Variants in ARHGAP12 observed in about 807,000 individuals in gnomAD.
The protein encoded by ARHGAP12 is rho GTPase-activating protein 12.
In ARHGAP12, 64 loss-of-function variants were observed where a neutral mutation model predicts 108.6. That is an observed-to-expected ratio of 0.59 (90% CI 0.48 to 0.73). The LOEUF is 0.73. Among genes scored for constraint, ARHGAP12 ranks in the 30% least tolerant of loss-of-function variants. The pLI is 0.00. For missense variants in ARHGAP12, 940 were observed against 1,005.9 expected (o/e 0.93, Z 0.89); for synonymous variants, 312 against 337.2 (o/e 0.93, Z 0.82).
At chr10:31,858,553 T>C (rs534460111) in intron 4 of ARHGAP12, among the ~76,000 whole-genome samples, 69 of 152,250 alleles carry the variant, frequency 4.5e-4, no homozygotes, top group African/African-American at 1.7e-3. Flanking sequence ...AACAAGATCC[T>C]GTCTCGGCGG....
chr10:31,831,657 T>C, intron 10 of ARHGAP12, 82 bp downstream of exon 10: 1 of 912,464 alleles, frequency 1.1e-6, no homozygotes, highest in South Asian at 2.0e-5. Context: ...GCACCTATTG[T>C]TTATACTAAA....
rs1285636668 is a variant in ARHGAP12 at position 31,891,472 on chromosome 10, C to T, written c.684+16700G>A. 5.3e-5 allele frequency among the ~76,000 whole-genome samples: 8 copies of T among 152,300 alleles called. No individual in the cohort carries two copies. The East Asian group carries it at 1.2e-3, about 22-fold the overall frequency. ...TCCACTGTTAGTCTGATGGGCTTCC[C>T]TTTGTGGGTAACCCGACCTTTCTCT... On this transcript the variant is annotated intron_variant, in intron 3 of 19. Transcript: ENST00000344936.
chr10:31,919,521 G>C (rs766158495), intron 1 of ARHGAP12, among the ~76,000 whole-genome samples: 5 of 152,126 alleles, frequency 3.3e-5, no homozygotes, highest in Non-Finnish European at 5.9e-5. Flanking sequence ...GGCCAGGCGC[G>C]GTGGCTCACG....
rs1386183853 is a variant in ARHGAP12 at position 31,806,469 on chromosome 10, C to A, written c.*1189G>T. The A allele has an allele frequency of 6.6e-6, 1 of 152,600 alleles. No individual in the cohort carries two copies. The allele number at this position is 152,600 out of a possible 1,614,324, so 9.5% of individuals were successfully genotyped here. ...CTACATTAGTAGGTAAAAAGAAATT[C>A]TCAAATTTAGCAATGTCATTTTCCA... On this transcript the variant is annotated 3_prime_UTR_variant, in exon 20 of 20. Transcript: ENST00000344936.
chr10:31,897,810 C>T (rs1838761924), intron 3 of ARHGAP12, among the ~76,000 whole-genome samples: 1 of 152,122 alleles, frequency 6.6e-6, no homozygotes, highest in Admixed American at 6.5e-5. Context: ...ACAGATGGAA[C>T]TATTAGACGG....
Position 31,861,459 on chromosome 10 carries a change from G to T in ARHGAP12, c.884C>A (p.Pro295His), listed in dbSNP as rs1280602941. The change falls in exon 4 of 20, where the codon CCT (proline) becomes CAT (histidine). Residue 295 changes from proline (P) to histidine (H), a missense_variant. By Grantham distance (77) the Pro-to-His change is moderately conservative. Coordinates refer to ENST00000344936, the MANE Select transcript of ARHGAP12 (RefSeq NM_018287.7). ...NRGTQERTWK[P>H]PRWTRDASIS... The stretch of plus-strand genomic sequence containing the variant: ...GCTTGCATCCCGAGTCCAACGAGGA[G>T]GTTTCCAAGTTCTTTCCTGTGTCCC... The T allele has an allele frequency of 6.2e-7, 1 of 1,614,046 alleles. No homozygotes were observed.
intron 9 of ARHGAP12, among the ~76,000 whole-genome samples, chr10:31,836,701 A>G (rs1836030803): frequency 6.6e-6 from 1 of 152,176 alleles, no homozygotes; most frequent in Admixed American, 6.5e-5. Context: ...AGAGGGAAAT[A>G]TCTCCCTGTA....
chr10:31,884,507 C>G (rs1035687704), intron 3 of ARHGAP12, among the ~76,000 whole-genome samples: 1 of 152,132 alleles, frequency 6.6e-6, no homozygotes, highest in African/African-American at 2.4e-5. Context: ...TGTGAACATT[C>G]TTCTCAGACA....
At chr10:31,900,937 C>T (rs1838889493) in intron 3 of ARHGAP12, among the ~76,000 whole-genome samples, 1 of 152,050 alleles carries the variant, frequency 6.6e-6, no homozygotes, top group East Asian at 1.9e-4. Context: ...GAAACTGGGC[C>T]GGTCTCAGCA....
rs1415462173 is a variant in ARHGAP12 at position 31,817,868 on chromosome 10, T to C, written c.1651A>G (p.Thr551Ala). The part of the protein sequence containing the change: ...NVFELKTRQG[T>A]ELLIQSDNDT... ...TTGTCAGACTGAATTAGCAGTTCTGTTCCTTGACGAGTTTTCAGCTTTAGA... is the reference window on the plus strand; with the variant it reads ...TTGTCAGACTGAATTAGCAGTTCTGCTCCTTGACGAGTTTTCAGCTTTAGA... Residue 551 changes from threonine (T) to alanine (A), a missense_variant, in exon 13 of 20, where the codon ACA becomes GCA. Transcript: ENST00000344936. 6 of 1,612,186 alleles carry C rather than the reference T, an allele frequency of 3.7e-6. No homozygotes were observed. The highest frequency in any genetic ancestry group is 5.1e-6 in the Non-Finnish European group (6 of 1,179,400).
At chr10:31,866,411 T>C (rs1030871216) in intron 3 of ARHGAP12, among the ~76,000 whole-genome samples, 3 of 152,242 alleles carry the variant, frequency 2.0e-5, no homozygotes, top group Admixed American at 6.5e-5. Flanking sequence ...AGCTGCAGAC[T>C]GTAATCTTTG....
intron 3 of ARHGAP12, among the ~76,000 whole-genome samples, chr10:31,895,742 T>C (rs1320524252): frequency 6.6e-6 from 1 of 152,204 alleles, no homozygotes; most frequent in Non-Finnish European, 1.5e-5. Flanking sequence ...TTACTGGGTA[T>C]ATACCCCAAG....
At chr10:31,841,473 T>C (rs1233074612) in intron 7 of ARHGAP12, among the ~76,000 whole-genome samples, 2 of 152,164 alleles carry the variant, frequency 1.3e-5, no homozygotes, top group East Asian at 3.8e-4. Flanking sequence ...CAATATTCAA[T>C]ATGACACTCT....
chr10:31,849,890 T>C (rs748343582), intron 6 of ARHGAP12, among the ~76,000 whole-genome samples: 3 of 152,178 alleles, frequency 2.0e-5, no homozygotes, highest in East Asian at 1.9e-4. Context: ...TGAAAGTAAA[T>C]AGGTTTCCTA....
chr10:31,808,078 T>C (rs1834883130), intron 19 of ARHGAP12, among the ~76,000 whole-genome samples: 1 of 152,222 alleles, frequency 6.6e-6, no homozygotes, highest in Non-Finnish European at 1.5e-5. Flanking sequence ...TGTGATATTT[T>C]AGCTTAGTTT....
At chr10:31,865,373 T>C (rs1233334565) in intron 3 of ARHGAP12, among the ~76,000 whole-genome samples, 1 of 152,058 alleles carries the variant, frequency 6.6e-6, no homozygotes, top group African/African-American at 2.4e-5. Context: ...ACATACAGGT[T>C]GTATGTTTGC....
chr10:31,901,840 G>T (rs1304130937), intron 3 of ARHGAP12, among the ~76,000 whole-genome samples: 1 of 152,080 alleles, frequency 6.6e-6, no homozygotes, highest in East Asian at 1.9e-4. Flanking sequence ...CTATCTTGAA[G>T]GCCAGCATCT....
At chr10:31,848,881 A>T (rs1224381024) in intron 6 of ARHGAP12, among the ~76,000 whole-genome samples, 1 of 152,030 alleles carries the variant, frequency 6.6e-6, no homozygotes, top group Non-Finnish European at 1.5e-5. Context: ...GACTAGTCTG[A>T]CCAACATGAT....
intron 9 of ARHGAP12, among the ~76,000 whole-genome samples, chr10:31,832,640 C>CT (rs1262505168): frequency 1.3e-5 from 2 of 152,170 alleles, no homozygotes; most frequent in African/African-American, 4.8e-5. Context: ...TTTAATTCAA[C>CT]TAAAGCACTC....
Sources: gnomAD v4.1 joint callset for allele counts (sites outside exome capture counted in the v4.1 genomes callset) on GRCh38, gnomAD v4.1.1 for gene constraint, MANE v1.5 for transcripts, NCBI Gene and HGNC (gene_info 2026-07-23, HGNC 2026-07-21) for gene names.